KHDRBS2: variants seen among roughly 807,000 people sequenced by gnomAD.
KHDRBS2 encodes the protein KH RNA binding domain containing, signal transduction associated 2, also known as KH domain-containing, RNA-binding, signal transduction-associated protein 2.
A neutral mutation model predicts 44.3 loss-of-function variants in KHDRBS2; 26 were observed. The ratio of observed to expected loss-of-function variants is 0.59; its 90% CI spans 0.43 to 0.81. KHDRBS2 has a LOEUF of 0.81. Ranked by LOEUF, KHDRBS2 falls within the 40% of genes least tolerant of loss-of-function variation. The pLI is 0.00. For synonymous variants in KHDRBS2, 194 were observed against 151.1 expected (o/e 1.28, Z -2.08); for missense variants, 476 against 433.1 (o/e 1.10, Z -0.88).
chr6:61,551,097 T>C, the KHDRBS2 span, among the ~76,000 whole-genome samples: 3 of 152,138 alleles, frequency 2.0e-5, no homozygotes, highest in East Asian at 5.8e-4. Flanking sequence ...ATTGTGGTTT[T>C]GATTTGTATT....
chr6:62,087,769 T>C (rs1798682013), intron 2 of KHDRBS2, among the ~76,000 whole-genome samples: 1 of 152,178 alleles, frequency 6.6e-6, no homozygotes, highest in Admixed American at 6.5e-5. Flanking sequence ...TTCTCCTGGA[T>C]AATATCCTGA....
At chr6:61,640,593 A>G in the KHDRBS2 span, among the ~76,000 whole-genome samples, 7 of 152,094 alleles carry the variant, frequency 4.6e-5, no homozygotes, top group African/African-American at 1.7e-4. Flanking sequence ...ATTGTTACTC[A>G]TAACTGTCTG....
chr6:61,892,582 C>T (rs903179432), intron 6 of KHDRBS2, among the ~76,000 whole-genome samples: 1 of 152,058 alleles, frequency 6.6e-6, no homozygotes, highest in African/African-American at 2.4e-5. Context: ...GAACAGAGTC[C>T]TAAGAAATAA....
At chr6:61,920,518 A>G (rs1163206698) in intron 4 of KHDRBS2, among the ~76,000 whole-genome samples, 1 of 151,986 alleles carries the variant, frequency 6.6e-6, no homozygotes, top group Non-Finnish European at 1.5e-5. Context: ...TCTTTAAAGA[A>G]TTTTAGTTAA....
intron 6 of KHDRBS2, among the ~76,000 whole-genome samples, chr6:61,870,037 T>A (rs1798434955): frequency 7.0e-6 from 1 of 142,532 alleles, no homozygotes; most frequent in Non-Finnish European, 1.5e-5. Flanking sequence ...AAGTGTTCCC[T>A]CCCCAGGAAA....
intron 6 of KHDRBS2, among the ~76,000 whole-genome samples, chr6:61,745,029 A>C (rs1354724292): frequency 6.6e-6 from 1 of 152,150 alleles, no homozygotes; most frequent in Non-Finnish European, 1.5e-5. Flanking sequence ...AACACTATTT[A>C]ATGTGATTTA....
At chr6:62,172,698 G>GGA (rs1554453841) in intron 2 of KHDRBS2, among the ~76,000 whole-genome samples, 13 of 73,472 alleles carry the variant, frequency 1.8e-4, no homozygotes, top group African/African-American at 1.6e-4. Flanking sequence ...CCAGCAAACT[G>GGA]AAAAAAAAAA....
At chr6:61,748,220 A>G (rs1386265606) in intron 6 of KHDRBS2, among the ~76,000 whole-genome samples, 1 of 152,112 alleles carries the variant, frequency 6.6e-6, no homozygotes, top group Non-Finnish European at 1.5e-5. Context: ...CAAACTCCTG[A>G]CCTCATGATC....
intron 4 of KHDRBS2, among the ~76,000 whole-genome samples, chr6:61,954,541 CAT>C (rs1252109398): frequency 8.2e-5 from 12 of 145,554 alleles, no homozygotes; most frequent in African/African-American, 2.5e-4. Context: ...CGTATGTATA[CAT>C]ATATATGTAT....
chr6:61,750,440 T>C (rs1472885450), intron 6 of KHDRBS2, among the ~76,000 whole-genome samples: 1 of 152,196 alleles, frequency 6.6e-6, no homozygotes, highest in Non-Finnish European at 1.5e-5. Flanking sequence ...ATTAAGACTT[T>C]TAGCTATGCA....
At chr6:62,144,174 C>G (rs1813444492) in intron 2 of KHDRBS2, among the ~76,000 whole-genome samples, 2 of 151,768 alleles carry the variant, frequency 1.3e-5, no homozygotes, top group South Asian at 4.1e-4. Context: ...TAGTGAAAAC[C>G]TCTTAATAAA....
At chr6:61,662,246 T>C in the KHDRBS2 span, among the ~76,000 whole-genome samples, 1 of 152,090 alleles carries the variant, frequency 6.6e-6, no homozygotes, top group Non-Finnish European at 1.5e-5. Flanking sequence ...CAAAAATTAA[T>C]TCGAGATGGA....
At chr6:62,004,103 C>A (rs1213969988) in intron 3 of KHDRBS2, among the ~76,000 whole-genome samples, 1 of 151,932 alleles carries the variant, frequency 6.6e-6, no homozygotes, top group Non-Finnish European at 1.5e-5. Context: ...ACTAGAGAAG[C>A]AAGAGCAAAC....
chr6:62,087,739 G>A (rs1476241096), intron 2 of KHDRBS2, among the ~76,000 whole-genome samples: 1 of 152,142 alleles, frequency 6.6e-6, no homozygotes, highest in Admixed American at 6.5e-5. Flanking sequence ...ATGTTGGCCT[G>A]TCTTGCTAGG....
intron 4 of KHDRBS2, among the ~76,000 whole-genome samples, chr6:61,973,221 C>G (rs549210479): frequency 2.2e-4 from 34 of 152,274 alleles, no homozygotes; most frequent in Admixed American, 2.0e-3. Flanking sequence ...TTATATTTAT[C>G]ATCTTCTAAA....
At chr6:61,820,359 G>A (rs1465895091) in intron 6 of KHDRBS2, among the ~76,000 whole-genome samples, 1 of 151,910 alleles carries the variant, frequency 6.6e-6, no homozygotes, top group African/African-American at 2.4e-5. Context: ...GATTTGATTT[G>A]GGAGGTGAGA....
chr6:61,642,619 C>T, the KHDRBS2 span, among the ~76,000 whole-genome samples: 1 of 149,450 alleles, frequency 6.7e-6, no homozygotes, highest in Non-Finnish European at 1.5e-5. Flanking sequence ...TGAAATCACA[C>T]CAATGTACTC....
chr6:62,135,758 G>T (rs557285453), intron 2 of KHDRBS2, among the ~76,000 whole-genome samples: 1 of 152,040 alleles, frequency 6.6e-6, no homozygotes, highest in African/African-American at 2.4e-5. Flanking sequence ...AAGAGATCCT[G>T]CCATTTACCA....
chr6:61,665,684 T>A, the KHDRBS2 span, among the ~76,000 whole-genome samples: 5 of 151,216 alleles, frequency 3.3e-5, no homozygotes, highest in African/African-American at 1.2e-4. Flanking sequence ...TCTGAATATC[T>A]TTTGAAGGAA....
Sources: allele counts gnomAD v4.1 joint callset (sites outside exome capture counted in the v4.1 genomes callset), GRCh38; gene constraint gnomAD v4.1.1; transcripts MANE v1.5; gene names NCBI Gene and HGNC (gene_info 2026-07-23, HGNC 2026-07-21).